The following PSMF1 variants were observed in gnomAD, a reference collection of about 807,000 sequenced individuals.
PSMF1 encodes proteasome inhibitor subunit 1, also known as proteasome inhibitor PI31 subunit.
In PSMF1, 30 loss-of-function variants were observed where a neutral mutation model predicts 29.3. The ratio of observed to expected loss-of-function variants is 1.02; its 90% CI spans 0.77 to 1.39. The LOEUF (loss-of-function observed/expected upper bound fraction) is 1.39. Ranked by LOEUF, PSMF1 falls within the 40% of genes most tolerant of loss-of-function variation. PSMF1 has a pLI of 0.00. For synonymous variants in PSMF1, 134 were observed against 139.7 expected, an observed-to-expected ratio of 0.96 and a Z score of 0.29; for missense variants, 344 against 357.5, an observed-to-expected ratio of 0.96 and a Z score of 0.31.
upstream of PSMF1, among the ~76,000 whole-genome samples, chr20:1,116,515 G>A (rs565503883): frequency 8.1e-4 from 123 of 152,348 alleles, no homozygotes; most frequent in Non-Finnish European, 1.6e-3. Flanking sequence ...CACAGGGCCA[G>A]CTGACAAAGG....
In PSMF1 at chr20:1,164,278, C is replaced by T. The variant is rs2086700956; in HGVS notation, c.606-40C>T. On this transcript the variant is annotated intron_variant, in intron 5 of 6. Transcript: ENST00000335877. The surrounding 1 kb of genome is among the most constrained non-coding windows in gnomAD (Gnocchi z 4.1). The stretch of plus-strand genomic sequence containing the variant: ...CCTCGCCTTTTCTCCAAGGGCAGTC[C>T]TTGCCACACCTGCTTACCTAACTTT... 6.3e-7 allele frequency: 1 copy of T among 1,578,188 alleles called. No individual in the cohort carries two copies. Among genetic ancestry groups the T allele is most frequent in the Non-Finnish European group, 8.7e-7 (1 of 1,147,542 alleles).
chr20:1,137,492 G>A (rs2086322281), intron 4 of PSMF1, among the ~76,000 whole-genome samples: 1 of 152,146 alleles, frequency 6.6e-6, no homozygotes, highest in Non-Finnish European at 1.5e-5. Context: ...CTAACTCCCA[G>A]TTTAAAAATA....
At chr20:1,149,984 C>T (rs11697802) in intron 4 of PSMF1, among the ~76,000 whole-genome samples, 2,858 of 124,718 alleles carry the variant, frequency 0.023, 155 homozygotes, top group East Asian at 0.035. Flanking sequence ...ATGATCACAC[C>T]ACTGTACTCC....
chr20:1,151,513 G>C (rs144441752), intron 4 of PSMF1, among the ~76,000 whole-genome samples: 24 of 152,198 alleles, frequency 1.6e-4, no homozygotes, highest in Admixed American at 3.3e-4. Flanking sequence ...ACTTGCCCTG[G>C]GTCACACATC....
intron 3 of PSMF1, chr20:1,134,851 C>A: frequency 1.9e-6 from 1 of 521,888 alleles, no homozygotes; most frequent in Admixed American, 3.0e-5. Context: ...CCCTGTGCCC[C>A]TACACCCTCA....
At chr20:1,126,161 T>C (rs545409513) in intron 2 of PSMF1, among the ~76,000 whole-genome samples, 3 of 152,352 alleles carry the variant, frequency 2.0e-5, no homozygotes, top group African/African-American at 7.2e-5. Context: ...ATCTAAATTA[T>C]GTCTCTTTAC....
chr20:1,119,682 G>A lies in PSMF1; in HGVS notation c.129+780G>A, dbSNP rs114995831. On this transcript the variant is annotated intron_variant, in intron 1 of 6. Transcript: ENST00000335877. ...ATCCCCACAGAGTTCTAGGACTGCT[G>A]GACCCAACCCACCTCACTAATTCTT... 5.2e-3 allele frequency among the ~76,000 whole-genome samples: 784 copies of A among 152,230 alleles called. 9 individuals carry two copies. Among genetic ancestry groups the A allele is most frequent in the African/African-American group, 0.018 (742 of 41,528 alleles).
intron 4 of PSMF1, among the ~76,000 whole-genome samples, chr20:1,147,246 C>A (rs993467323): frequency 3.3e-5 from 5 of 151,972 alleles, no homozygotes; most frequent in Non-Finnish European, 7.4e-5. Context: ...GCCTGTGAAC[C>A]GAGTGTGTTA....
At chr20:1,118,023 T>C (rs904201377), upstream of PSMF1, 8 of 152,200 alleles carry the variant, frequency 5.3e-5, no homozygotes, top group South Asian at 2.1e-4. Flanking sequence ...CCATACTTCA[T>C]AGAGTTGTTG....
intron 2 of PSMF1, among the ~76,000 whole-genome samples, chr20:1,127,018 C>G (rs770733340): frequency 1.1e-4 from 16 of 152,226 alleles, no homozygotes; most frequent in Non-Finnish European, 2.1e-4. Context: ...CTGGCTGATT[C>G]TGTCTGCCCT....
At chr20:1,116,058 G>A (rs180889403), upstream of PSMF1, among the ~76,000 whole-genome samples, 2 of 144,468 alleles carry the variant, frequency 1.4e-5, no homozygotes, top group Non-Finnish European at 3.0e-5. Context: ...TTAAACACTA[G>A]ACAGTGAGCT....
chr20:1,134,977 G>A (rs1465936311), intron 3 of PSMF1, 144 bp from the exon 4 acceptor site: 14 of 788,404 alleles, frequency 1.8e-5, no homozygotes, highest in East Asian at 5.3e-5. Context: ...TCCAGCAGGC[G>A]GCCTGTTCCC....
chr20:1,127,493 TG>T lies in PSMF1; in HGVS notation c.353del (p.Gly118ValfsTer34). On this transcript the variant is annotated frameshift_variant, in exon 3 of 7. Coordinates refer to ENST00000335877, the MANE Select transcript of PSMF1 (RefSeq NM_006814.5). LOFTEE classifies it high-confidence loss of function. ...GATGATTATATCGATGCAGAACACC[TG>T]GGTGACTTCCACAGGTACTTCTAAA... ...NLDDYIDAEH[L>X]GDFHRTYKNS... 5 of 1,602,106 alleles carry T rather than the reference TG, an allele frequency of 3.1e-6. No individual in the cohort carries two copies. Among genetic ancestry groups the T allele is most frequent in the Non-Finnish European group, 4.3e-6 (5 of 1,168,932 alleles).
chr20:1,134,263 C>T (rs1221890529), intron 3 of PSMF1, among the ~76,000 whole-genome samples: 1 of 151,950 alleles, frequency 6.6e-6, no homozygotes, highest in East Asian at 1.9e-4. Flanking sequence ...AGTTATATCC[C>T]ACATATTTTC....
rs190826471 is a variant in PSMF1, at chr20:1,167,743, G to A, written c.*2663G>A. 2.4e-4 allele frequency: 37 copies of A among 152,242 alleles called. No individual in the cohort carries two copies. The highest frequency in any genetic ancestry group is 8.9e-4 in the African/African-American group (37 of 41,540). 9.4% of individuals were successfully genotyped at this position (152,242 alleles called of 1,614,324 possible). ...TTATCAGTTGATGGACAGTTGGGTT[G>A]TTTCTACAAAAAGGCTATTATGAGT... On this transcript the variant is annotated 3_prime_UTR_variant, in exon 7 of 7. Coordinates refer to ENST00000335877, the MANE Select transcript of PSMF1 (RefSeq NM_006814.5).
intron 3 of PSMF1, among the ~76,000 whole-genome samples, chr20:1,129,687 C>T (rs1366360486): frequency 6.6e-6 from 1 of 152,222 alleles, no homozygotes; most frequent in South Asian, 2.1e-4. Flanking sequence ...AGAAAATAAA[C>T]AAGCGTTGTC....
rs189404292 is a variant in PSMF1, at chr20:1,152,012, G to C, written c.552-11118G>C. On this transcript the variant is annotated intron_variant, in intron 4 of 6. Coordinates refer to ENST00000335877, the MANE Select transcript of PSMF1 (RefSeq NM_006814.5). ...CTAAGAAGCTGGATTTGATCCATGG[G>C]GTGATGGGAGCCATCAATGTTTTGA... Among the ~76,000 whole-genome samples the C allele has an allele frequency of 2.5e-3, 383 of 152,280 alleles. 1 individual carries two copies. Among genetic ancestry groups the C allele is most frequent in the African/African-American group, 8.7e-3 (362 of 41,544 alleles).
At chr20:1,121,449 C>T (rs917996660) in intron 1 of PSMF1, among the ~76,000 whole-genome samples, 2 of 152,174 alleles carry the variant, frequency 1.3e-5, no homozygotes, top group South Asian at 2.1e-4. Flanking sequence ...GTCCTTCTGT[C>T]GCTTCTGCTG....
chr20:1,161,673 C>T, intron 4 of PSMF1: 1 of 664,730 alleles, frequency 1.5e-6, no homozygotes, highest in Non-Finnish European at 2.8e-6. Flanking sequence ...TCGGGCCCCT[C>T]CATGTCCACC....
Sources: gnomAD v4.1 joint callset for allele counts (sites outside exome capture counted in the v4.1 genomes callset) on GRCh38, gnomAD v4.1.1 for gene constraint, Gnocchi (gnomAD v3.1) non-coding constraint, MANE v1.5 for transcripts, NCBI Gene and HGNC (gene_info 2026-07-23, HGNC 2026-07-21) for gene names.